LAMA3: variants seen among roughly 807,000 people sequenced by gnomAD.
LAMA3 encodes laminin subunit alpha 3.
LAMA3 carries 281 observed loss-of-function variants against 402.0 expected under a neutral mutation model. That is an observed-to-expected ratio of 0.70 (90% CI 0.63 to 0.77). The LOEUF (loss-of-function observed/expected upper bound fraction) is 0.77. LAMA3 is among the 30% of genes least tolerant of loss of function. The pLI, the probability that LAMA3 is intolerant of heterozygous loss-of-function variation, is 0.00. For missense variants in LAMA3, 3,840 were observed against 4,215.5 expected (o/e 0.91, Z 2.47); for synonymous variants, 1,431 against 1,558.4 (o/e 0.92, Z 1.93).
chr18:23,889,928 C>G (rs531622013), intron 41 of LAMA3, 83 bp from the exon 42 acceptor site: 43 of 1,020,134 alleles, frequency 4.2e-5, no homozygotes, highest in Admixed American at 8.4e-5. Flanking sequence ...ATATCCCAAA[C>G]AGAGAGCTAG....
chr18:23,872,390 T>C (rs1162173595), intron 38 of LAMA3, among the ~76,000 whole-genome samples: 2 of 152,166 alleles, frequency 1.3e-5, no homozygotes, highest in African/African-American at 4.8e-5. Flanking sequence ...TGGCTATAAG[T>C]ATGTCTTTTC....
chr18:23,719,671 T>TTTTA (rs1464307531), intron 2 of LAMA3, among the ~76,000 whole-genome samples: 11 of 145,260 alleles, frequency 7.6e-5, no homozygotes, highest in South Asian at 2.2e-4. Context: ...TCTAGAATCT[T>TTTTA]TTTTTTTTTT....
At chr18:23,797,640 G>T (rs771551491) in intron 12 of LAMA3, among the ~76,000 whole-genome samples, 2 of 152,050 alleles carry the variant, frequency 1.3e-5, no homozygotes, top group African/African-American at 4.8e-5. Context: ...GCATGATCCC[G>T]GGAGGCAGAG....
At chr18:23,803,798 A>G (rs1477757856) in intron 12 of LAMA3, among the ~76,000 whole-genome samples, 1 of 152,198 alleles carries the variant, frequency 6.6e-6, no homozygotes, top group Non-Finnish European at 1.5e-5. Flanking sequence ...TGATGCCTCC[A>G]TATCTTGCAA....
At chr18:23,726,753 G>A (rs541959197) in intron 2 of LAMA3, among the ~76,000 whole-genome samples, 10 of 152,212 alleles carry the variant, frequency 6.6e-5, no homozygotes, top group Non-Finnish European at 1.5e-4. Flanking sequence ...CAGTAGCGGG[G>A]ATTACAGGTG....
Position 23,842,469 on chromosome 18 carries a change from G to A in LAMA3, c.3411G>A (p.Ala1137=), listed in dbSNP as rs34576909. The change falls in exon 28 of 75, where the codon GCG becomes GCA. Residue 1137 remains alanine (A), a synonymous_variant. Coordinates refer to ENST00000313654, the MANE Select transcript of LAMA3 (RefSeq NM_198129.4). The stretch of plus-strand genomic sequence containing the variant: ...TTGTCATCCATTTTTACCAAGCAGC[G>A]CACCCGACGTTTCCCGCGCAGGTGT... ...YVFVIHFYQA[A]HPTFPAQVSV... The A allele has an allele frequency of 3.7e-6, 6 of 1,613,958 alleles. No individual in the cohort carries two copies. Among genetic ancestry groups the A allele is most frequent in the African/African-American group, 2.7e-5 (2 of 74,874 alleles).
intron 38 of LAMA3, among the ~76,000 whole-genome samples, chr18:23,875,514 C>G (rs2064680035): frequency 6.6e-6 from 1 of 152,140 alleles, no homozygotes; most frequent in Non-Finnish European, 1.5e-5. Context: ...ACCAGATGTT[C>G]GTGAACAGTC....
At chr18:23,793,556 C>T (rs988342204) in intron 12 of LAMA3, among the ~76,000 whole-genome samples, 1 of 151,870 alleles carries the variant, frequency 6.6e-6, no homozygotes, top group Non-Finnish European at 1.5e-5. Flanking sequence ...AGACAGCATC[C>T]TTGGAAGAAG....
At chr18:23,726,296 G>T (rs1476839664) in intron 2 of LAMA3, among the ~76,000 whole-genome samples, 1 of 152,238 alleles carries the variant, frequency 6.6e-6, no homozygotes, top group East Asian at 1.9e-4. Context: ...CAGCTCTCAT[G>T]AGGGCAAGAG....
chr18:23,789,542 C>T (rs866644145), intron 12 of LAMA3, among the ~76,000 whole-genome samples: 5 of 152,102 alleles, frequency 3.3e-5, no homozygotes, highest in Admixed American at 6.5e-5. Context: ...GAAAACATTA[C>T]GCTAAATGAA....
At position 23,847,515 on chromosome 18, in the gene LAMA3, G is replaced by A; in HGVS notation, c.3983G>A (p.Cys1328Tyr). The change falls in exon 32 of 75, where the codon TGC becomes TAC. Residue 1328 changes from cysteine to tyrosine, a missense_variant. This residue lies in a region of LAMA3 where 2,109 missense variants were observed against 2,376.0 expected (regional missense o/e 0.89). Transcript: ENST00000313654. ...LCEEMTGQCRCPPRTVRPQCE... is the reference protein window; with the variant it reads ...LCEEMTGQCRYPPRTVRPQCE... ...GAAGAGATGACGGGGCAGTGCCGCT[G>A]CCCTCCCCGCACGGTCAGGCCCCAG... is the stretch of plus-strand genomic sequence containing the variant. 3 of 1,613,928 alleles carry A rather than the reference G, an allele frequency of 1.9e-6. No individual in the cohort carries two copies. The highest frequency in any genetic ancestry group is 2.5e-6 in the Non-Finnish European group (3 of 1,180,048).
intron 40 of LAMA3, among the ~76,000 whole-genome samples, chr18:23,883,475 A>T (rs1384235807): frequency 6.6e-6 from 1 of 152,234 alleles, no homozygotes; most frequent in Non-Finnish European, 1.5e-5. Context: ...TCTCACTAGT[A>T]CATAGACTCA....
chr18:23,871,519 A>T lies in LAMA3; in HGVS notation c.4856A>T (p.Gln1619Leu). 6.2e-7 allele frequency: 1 copy of T among 1,614,210 alleles called. No individual in the cohort carries two copies. Among genetic ancestry groups the T allele is most frequent in the Non-Finnish European group, 8.5e-7 (1 of 1,180,032 alleles). Reference protein sequence around the residue: ...VLSRLADVRIQGLYFTETQRL... With the variant: ...VLSRLADVRILGLYFTETQRL... ...TCTAGACTGGCAGATGTGCGCATCC[A>T]AGGCCTCTACTTCACAGAGACTCAA... The change falls in exon 38 of 75, where the codon CAA becomes CTA. Residue 1619 changes from glutamine to leucine, a missense_variant. Physicochemically the swap from Gln to Leu is moderately radical, Grantham distance 113. This residue lies in a region of LAMA3 where 2,109 missense variants were observed against 2,376.0 expected (regional missense o/e 0.89). Transcript: ENST00000313654.
At chr18:23,849,565 A>G (rs2063898220) in intron 32 of LAMA3, among the ~76,000 whole-genome samples, 1 of 152,214 alleles carries the variant, frequency 6.6e-6, no homozygotes, top group Non-Finnish European at 1.5e-5. Flanking sequence ...GAAAACCAAG[A>G]GTGCTTTTAA....
chr18:23,738,880 C>A (rs765982454), intron 2 of LAMA3, among the ~76,000 whole-genome samples: 1 of 152,224 alleles, frequency 6.6e-6, no homozygotes, highest in Non-Finnish European at 1.5e-5. Flanking sequence ...ATCCCTGCTG[C>A]CTTACCTGCC....
rs2060607543 is a variant in LAMA3, at chr18:23,692,413, A to G, written c.294+2436A>G. ...CAGCCTCCCGAGTAGCTGGGATTAC[A>G]GGCGCCTGCCACCACGCCCAGCTAA... On this transcript the variant is annotated intron_variant, in intron 1 of 74. Transcript: ENST00000313654. Among the ~76,000 whole-genome samples, 3 of 152,184 alleles carry G rather than the reference A, an allele frequency of 2.0e-5. No individual in the cohort carries two copies. The South Asian group carries it at 6.2e-4, about 32-fold the overall frequency.
chr18:23,854,319 C>T (rs950790951), intron 32 of LAMA3, among the ~76,000 whole-genome samples: 1 of 152,230 alleles, frequency 6.6e-6, no homozygotes, highest in Non-Finnish European at 1.5e-5. Context: ...TGCAGGTACT[C>T]TTGTTCCTTT....
At chr18:23,886,024 T>G (rs1367607886) in intron 41 of LAMA3, among the ~76,000 whole-genome samples, 3 of 152,380 alleles carry the variant, frequency 2.0e-5, no homozygotes, top group Non-Finnish European at 4.4e-5. Flanking sequence ...TCAGTAAGTA[T>G]TCACTGATAA....
Position 23,838,797 on chromosome 18 carries a change from T to A in LAMA3, c.3110T>A (p.Ile1037Lys). The A allele has an allele frequency of 6.2e-7, 1 of 1,606,748 alleles. No homozygotes were observed. The highest frequency in any genetic ancestry group is 8.5e-7 in the Non-Finnish European group (1 of 1,173,230). Residue 1037 changes from isoleucine to lysine, a missense_variant, in exon 26 of 75, where the codon ATA becomes AAA. Around this residue, in one of 3 missense-constraint regions of LAMA3, gnomAD observed 2,109 missense variants for 2,376.0 expected, o/e 0.89. Coordinates refer to ENST00000313654, the MANE Select transcript of LAMA3 (RefSeq NM_198129.4). Reference protein sequence around the residue: ...ARFLLHQVCIIPIEEFSAEYV... With the variant: ...ARFLLHQVCIKPIEEFSAEYV... ...GCTCACTAGCATCAAGTTTGTATCATACCTATTGAAGAATTCTCAGCTGAG... is the reference window on the plus strand; with the variant it reads ...GCTCACTAGCATCAAGTTTGTATCAAACCTATTGAAGAATTCTCAGCTGAG...
Sources: allele counts gnomAD v4.1 joint callset (sites outside exome capture counted in the v4.1 genomes callset), GRCh38; gene constraint gnomAD v4.1.1; regional missense constraint gnomAD v4.1.1; transcripts MANE v1.5; gene names NCBI Gene and HGNC (gene_info 2026-07-23, HGNC 2026-07-21).